Variants in RIMS4 observed in about 807,000 individuals in gnomAD.
The protein encoded by RIMS4 is regulating synaptic membrane exocytosis 4, also known as regulating synaptic membrane exocytosis protein 4.
Under a neutral mutation model 29.0 loss-of-function variants are expected in RIMS4, and 9 were observed. The observed-to-expected ratio is 0.31, with a 90% CI of 0.19 to 0.54. The LOEUF (loss-of-function observed/expected upper bound fraction) is 0.54. Ranked by LOEUF, RIMS4 falls within the 20% of genes least tolerant of loss-of-function variation. The pLI is 0.94. For synonymous variants in RIMS4, 130 were observed against 152.9 expected, an observed-to-expected ratio of 0.85 and a Z score of 1.10; for missense variants, 193 against 365.7, an observed-to-expected ratio of 0.53 and a Z score of 3.85.
At chr20:44,806,434 C>T (rs551966621) in intron 1 of RIMS4, among the ~76,000 whole-genome samples, 10 of 152,172 alleles carry the variant, frequency 6.6e-5, no homozygotes, top group Non-Finnish European at 1.3e-4. Context: ...TCCTCCCCAC[C>T]CTCTTGACTG....
intron 1 of RIMS4, among the ~76,000 whole-genome samples, chr20:44,808,169 C>T (rs942385787): frequency 1.3e-5 from 2 of 151,906 alleles, no homozygotes; most frequent in Admixed American, 6.6e-5. Flanking sequence ...ACACCCCCAT[C>T]CATTTGCGGG....
intron 1 of RIMS4, among the ~76,000 whole-genome samples, chr20:44,799,394 T>C (rs1302629281): frequency 2.6e-5 from 4 of 151,914 alleles, no homozygotes; most frequent in Admixed American, 6.6e-5. Flanking sequence ...TGCGAGGACT[T>C]AGCATGCCCA....
chr20:44,807,509 G>A (rs966188180), intron 1 of RIMS4, among the ~76,000 whole-genome samples: 4 of 152,300 alleles, frequency 2.6e-5, no homozygotes, highest in East Asian at 1.9e-4. Context: ...TAGATGAGCC[G>A]GAGGCCTGTC....
At chr20:44,768,732 C>T (rs946820237) in intron 2 of RIMS4, among the ~76,000 whole-genome samples, 1 of 152,214 alleles carries the variant, frequency 6.6e-6, no homozygotes, top group South Asian at 2.1e-4. Flanking sequence ...AGAACACCCA[C>T]CTCAAGCCTT....
At position 44,753,042 on chromosome 20, in the gene RIMS4, A is replaced by G. The variant is rs1259048355; in HGVS notation, c.*3092T>C. 6.5e-6 allele frequency: 1 copy of G among 152,838 alleles called. No homozygotes were observed. The highest frequency in any genetic ancestry group is 1.5e-5 in the Non-Finnish European group (1 of 68,172). The allele number at this position is 152,838 out of a possible 1,614,324, so 9.5% of individuals were successfully genotyped here. A position where few individuals can be genotyped will look rare whatever the true frequency, so the allele number is the denominator to read the frequency against. On this transcript the variant is annotated 3_prime_UTR_variant, in exon 6 of 6. Coordinates refer to ENST00000372851, the MANE Select transcript of RIMS4 (RefSeq NM_182970.4). ...GCCAGGAATCCTTGTCCCAGCAGAC[A>G]TGCACTGGAGCAACGGTCTCCTGTC...
intron 2 of RIMS4, among the ~76,000 whole-genome samples, chr20:44,765,005 C>T (rs552201810): frequency 1.3e-5 from 2 of 152,288 alleles, no homozygotes; most frequent in African/African-American, 4.8e-5. Context: ...TTGAGCCAAG[C>T]ACTGATAGTA....
intron 1 of RIMS4, among the ~76,000 whole-genome samples, chr20:44,807,349 G>A (rs2066303268): frequency 1.3e-5 from 2 of 152,170 alleles, no homozygotes; most frequent in South Asian, 2.1e-4. Flanking sequence ...CCCCAGTTAA[G>A]GCTAATGAGA....
At chr20:44,764,593 T>C (rs2066105848) in intron 2 of RIMS4, among the ~76,000 whole-genome samples, 2 of 152,074 alleles carry the variant, frequency 1.3e-5, no homozygotes, top group Admixed American at 6.6e-5. Flanking sequence ...CTGAAGTCAA[T>C]GGAAAGTTGT....
At chr20:44,792,529 A>C (rs2066237613) in intron 1 of RIMS4, among the ~76,000 whole-genome samples, 2 of 152,038 alleles carry the variant, frequency 1.3e-5, no homozygotes. Context: ...TGACCTTAGG[A>C]GATCCACCCA....
At chr20:44,806,205 C>T (rs537220926) in intron 1 of RIMS4, among the ~76,000 whole-genome samples, 19 of 149,270 alleles carry the variant, frequency 1.3e-4, no homozygotes, top group Non-Finnish European at 2.5e-4. Flanking sequence ...TTCTCCCAGG[C>T]GGGAGGGGGA....
At chr20:44,793,776 G>C (rs950294479) in intron 1 of RIMS4, among the ~76,000 whole-genome samples, 2 of 152,132 alleles carry the variant, frequency 1.3e-5, no homozygotes, top group African/African-American at 4.8e-5. Flanking sequence ...CAGGTCTAAA[G>C]GTAGAAATGA....
At chr20:44,757,538 A>G (rs2066065905) in intron 4 of RIMS4, 132 bp downstream of exon 4, 4 of 705,550 alleles carry the variant, frequency 5.7e-6, no homozygotes, top group East Asian at 2.5e-5. Context: ...CCAATTCCAC[A>G]TAAGACATCA....
At chr20:44,798,490 C>T (rs2066264260) in intron 1 of RIMS4, among the ~76,000 whole-genome samples, 1 of 152,208 alleles carries the variant, frequency 6.6e-6, no homozygotes, top group Non-Finnish European at 1.5e-5. Flanking sequence ...CACCCACTCT[C>T]CCCACTCTGT....
chr20:44,783,651 A>G (rs981943691), intron 1 of RIMS4, among the ~76,000 whole-genome samples: 5 of 152,138 alleles, frequency 3.3e-5, no homozygotes, highest in Non-Finnish European at 5.9e-5. Context: ...ACAAAAAAAA[A>G]ACAACAAAGC....
At chr20:44,794,132 C>G (rs2066244890) in intron 1 of RIMS4, among the ~76,000 whole-genome samples, 1 of 152,182 alleles carries the variant, frequency 6.6e-6, no homozygotes, top group Admixed American at 6.5e-5. Context: ...TGATATTCAC[C>G]AAATGGGTCA....
At chr20:44,805,843 G>A (rs1264548255) in intron 1 of RIMS4, among the ~76,000 whole-genome samples, 1 of 151,650 alleles carries the variant, frequency 6.6e-6, no homozygotes, top group African/African-American at 2.4e-5. Flanking sequence ...TCGGAACTCT[G>A]ATTCTCCCTG....
At chr20:44,783,300 G>A (rs1373498355) in intron 1 of RIMS4, among the ~76,000 whole-genome samples, 1 of 152,200 alleles carries the variant, frequency 6.6e-6, no homozygotes, top group Non-Finnish European at 1.5e-5. Flanking sequence ...GTATATCCAT[G>A]CAATTAAGTA....
chr20:44,791,039 A>G (rs1421403351), intron 1 of RIMS4, among the ~76,000 whole-genome samples: 1 of 152,178 alleles, frequency 6.6e-6, no homozygotes, highest in Non-Finnish European at 1.5e-5. Context: ...TCTAGACCTG[A>G]TCCTAGAAAT....
At chr20:44,784,040 C>A (rs1211696254) in intron 1 of RIMS4, among the ~76,000 whole-genome samples, 1 of 152,198 alleles carries the variant, frequency 6.6e-6, no homozygotes, top group Non-Finnish European at 1.5e-5. Flanking sequence ...CCAGGCCAGG[C>A]TGTTAACCCT....
Sources: allele counts gnomAD v4.1 joint callset (sites outside exome capture counted in the v4.1 genomes callset), GRCh38; gene constraint gnomAD v4.1.1; transcripts MANE v1.5; gene names NCBI Gene and HGNC (gene_info 2026-07-23, HGNC 2026-07-21).